The following WDR48 variants were observed in gnomAD, a reference collection of about 807,000 sequenced individuals.
WDR48 encodes WD repeat-containing protein 48.
A neutral mutation model predicts 94.0 loss-of-function variants in WDR48; 22 were observed. That is an observed-to-expected ratio of 0.23 (90% confidence interval 0.17 to 0.33). WDR48 has a LOEUF of 0.33. WDR48 is among the 10% of genes least tolerant of loss of function. The pLI is 1.00. For missense variants in WDR48, 541 were observed against 813.8 expected (o/e 0.66, Z 4.08); for synonymous variants, 278 against 280.5 (o/e 0.99, Z 0.09).
In WDR48 at chr3:39,088,204, T is replaced by C. The variant is rs34585443; in HGVS notation, c.1551T>C (p.Phe517=). 4.4e-5 allele frequency: 71 copies of C among 1,614,182 alleles called. No individual in the cohort carries two copies. The African/African-American group carries it at 6.5e-4, about 15-fold the overall frequency. ...TGCCCCCACATACACCCGTGATCTT[T>C]GGTGAAGCTGGAGGTCGCACACTGT... ...FQVPPHTPVI[F]GEAGGRTLFR... The change falls in exon 15 of 19, where the codon TTT becomes TTC. Residue 517 remains phenylalanine, a synonymous_variant. Transcript: ENST00000302313.
rs543025531 is a variant in WDR48, at chr3:39,054,896, G to A, written c.48+2823G>A. On this transcript the variant is annotated intron_variant, in intron 1 of 18. Coordinates refer to ENST00000302313, the MANE Select transcript of WDR48 (RefSeq NM_020839.4). ...AAGGAAATATGCATTTTAAAAGTCA[G>A]GAAGGGTAATAGCAGTGATTATCCC... is the stretch of plus-strand genomic sequence containing the variant. Among the ~76,000 whole-genome samples the A allele has an allele frequency of 1.5e-3, 227 of 152,336 alleles. 3 individuals are homozygous for A. In the South Asian group the frequency reaches 0.02, roughly 13 times the overall value.
At chr3:39,052,506 C>T (rs1034716848) in intron 1 of WDR48, 5 of 170,844 alleles carry the variant, frequency 2.9e-5, no homozygotes, top group Non-Finnish European at 6.3e-5. Flanking sequence ...GGGGGCGTGG[C>T]GAGGCGGCGG....
intron 1 of WDR48, among the ~76,000 whole-genome samples, chr3:39,053,384 T>C (rs1294619951): frequency 6.6e-6 from 1 of 152,224 alleles, no homozygotes; most frequent in East Asian, 1.9e-4. Context: ...GTTTTATTGA[T>C]CTCACTGATC....
At position 39,075,669 on chromosome 3, in the gene WDR48, T is replaced by C. The variant is rs1220595624; in HGVS notation, c.897+719T>C. Among the ~76,000 whole-genome samples the C allele has an allele frequency of 2.0e-5, 3 of 152,106 alleles. No individual in the cohort carries two copies. The South Asian group carries it at 6.2e-4, about 32-fold the overall frequency. On this transcript the variant is annotated intron_variant, in intron 8 of 18. Coordinates refer to ENST00000302313, the MANE Select transcript of WDR48 (RefSeq NM_020839.4). ...CACCGATAGTCACAGAATTTCACAT[T>C]AAAACAACAGTGAAGAAGTTTCCAA...
chr3:39,082,203 A>AC (rs1445302474), intron 11 of WDR48, among the ~76,000 whole-genome samples: 1 of 152,154 alleles, frequency 6.6e-6, no homozygotes, highest in African/African-American at 2.4e-5. Context: ...ATTTGTCTAG[A>AC]CTAGGGTGGG....
intron 1 of WDR48, among the ~76,000 whole-genome samples, chr3:39,057,437 T>A (rs2032966579): frequency 6.6e-6 from 1 of 152,188 alleles, no homozygotes; most frequent in Admixed American, 6.5e-5. Context: ...TGTTTTTCAT[T>A]ACAGTCATTA....
In WDR48 at chr3:39,071,976, G is replaced by C. The variant is rs889932196; in HGVS notation, c.672+2232G>C. On this transcript the variant is annotated intron_variant, in intron 7 of 18. Coordinates refer to ENST00000302313, the MANE Select transcript of WDR48 (RefSeq NM_020839.4). ...CAGATTCTTGAATTCTTGTAATATG[G>C]AAGAGGTGGTTATCAGTTACTGGGC... 3.3e-5 allele frequency among the ~76,000 whole-genome samples: 5 copies of C among 152,322 alleles called. No individual in the cohort carries two copies. The South Asian group carries it at 6.2e-4, about 19-fold the overall frequency.
intron 12 of WDR48, 152 bp downstream of exon 12, chr3:39,084,414 A>G: frequency 1.6e-6 from 1 of 627,936 alleles, no homozygotes; most frequent in Non-Finnish European, 2.4e-6. Flanking sequence ...TAAAAAAGAA[A>G]AAAACAAAAT....
intron 1 of WDR48, among the ~76,000 whole-genome samples, chr3:39,057,409 T>A (rs1289042738): frequency 1.3e-5 from 2 of 152,216 alleles, no homozygotes; most frequent in African/African-American, 4.8e-5. Context: ...GGGAGTCTTA[T>A]CCAGACAGTA....
At chr3:39,052,190 G>A in intron 1 of WDR48, 117 bp downstream of exon 1, 3 of 1,318,994 alleles carry the variant, frequency 2.3e-6, no homozygotes. Context: ...CGAACGGGGC[G>A]GGGCGCGGCC....
rs767836988 is a variant in WDR48, at chr3:39,077,187, A to G, written c.946A>G (p.Thr316Ala). 46 of 1,614,034 alleles carry G rather than the reference A, an allele frequency of 2.9e-5. No homozygotes were observed. Among genetic ancestry groups the G allele is most frequent in the Non-Finnish European group, 3.8e-5 (45 of 1,180,034 alleles). ...TCCTCCTCCTGCAATTTGGGTTGCAACAACTAAGTCTACAGTAAATAAATG... is the reference window on the plus strand; with the variant it reads ...TCCTCCTCCTGCAATTTGGGTTGCAGCAACTAAGTCTACAGTAAATAAATG... ...ADPPPAIWVA[T>A]TKSTVNKWTL... The change falls in exon 9 of 19, where the codon ACA becomes GCA. Residue 316 changes from threonine to alanine, a missense_variant. This residue lies in a region of WDR48 where 238 missense variants were observed against 285.3 expected (regional missense o/e 0.83). Transcript: ENST00000302313.
chr3:39,093,743 A>G, intron 17 of WDR48, 131 bp from the exon 18 acceptor site: 1 of 1,043,724 alleles, frequency 9.6e-7, no homozygotes, highest in Non-Finnish European at 1.3e-6. Context: ...AAAATGGATT[A>G]AGGTAATGAC....
At chr3:39,053,822 A>C (rs2032662653) in intron 1 of WDR48, among the ~76,000 whole-genome samples, 1 of 152,186 alleles carries the variant, frequency 6.6e-6, no homozygotes, top group African/African-American at 2.4e-5. Context: ...GTTTGGAAAA[A>C]CAGTGTTCCA....
chr3:39,083,426 C>G (rs2034636298), intron 11 of WDR48, among the ~76,000 whole-genome samples: 1 of 152,116 alleles, frequency 6.6e-6, no homozygotes, highest in African/African-American at 2.4e-5. Flanking sequence ...GATGACAATA[C>G]AAGGTCATCC....
chr3:39,083,462 G>A (rs558022004), intron 11 of WDR48, among the ~76,000 whole-genome samples: 20 of 152,310 alleles, frequency 1.3e-4, no homozygotes, highest in Admixed American at 8.5e-4. Context: ...GAGGGGGACC[G>A]GAGCACAGTC....
intron 8 of WDR48, among the ~76,000 whole-genome samples, chr3:39,076,866 A>G (rs1220476753): frequency 6.6e-6 from 1 of 152,232 alleles, no homozygotes; most frequent in Non-Finnish European, 1.5e-5. Flanking sequence ...TTTTGACTGT[A>G]TCCATTCAAG....
At chr3:39,075,001 T>A (rs1371946386) in intron 8 of WDR48, 51 bp downstream of exon 8, 1 of 1,563,486 alleles carries the variant, frequency 6.4e-7, no homozygotes, top group South Asian at 1.2e-5. Context: ...GTTACATGTG[T>A]TAGCCAAATA....
Position 39,069,755 on chromosome 3 carries a change from T to G in WDR48, c.672+11T>G. 1.2e-6 allele frequency: 2 copies of G among 1,608,892 alleles called. No homozygotes were observed. The highest frequency in any genetic ancestry group is 1.7e-6 in the Non-Finnish European group (2 of 1,176,532). The stretch of plus-strand genomic sequence containing the variant: ...AGAGATGGCACGCAAGTATGCAGTT[T>G]CATTTGGGTGTTTACCTAATAACCT... On this transcript the variant is annotated intron_variant, in intron 7 of 18. Transcript: ENST00000302313.
In WDR48 at chr3:39,065,832, A is replaced by G; in HGVS notation, c.211A>G (p.Met71Val). The G allele has an allele frequency of 1.0e-5, 16 of 1,607,952 alleles. No individual in the cohort carries two copies. The highest frequency in any genetic ancestry group is 1.4e-5 in the Non-Finnish European group (16 of 1,177,840). ...TCAGCAAGATCCATATATAGCATCT[A>G]TGGAACACCATACTGATTGGGTAAA... ...QHKQDPYIAS[M>V]EHHTDWVNDI... The change falls in exon 3 of 19, where the codon ATG (methionine) becomes GTG (valine). Residue 71 changes from methionine (M) to valine (V), a missense_variant. Met to Val is a conservative substitution (Grantham distance 21, BLOSUM62 1). This residue lies in a region of WDR48 where 90 missense variants were observed against 122.3 expected (regional missense o/e 0.74). Transcript: ENST00000302313.
Sources: allele counts gnomAD v4.1 joint callset (sites outside exome capture counted in the v4.1 genomes callset), GRCh38; gene constraint gnomAD v4.1.1; regional missense constraint gnomAD v4.1.1; transcripts MANE v1.5; gene names NCBI Gene and HGNC (gene_info 2026-07-23, HGNC 2026-07-21).